GALNT9: variants seen among roughly 807,000 people sequenced by gnomAD.
GALNT9 encodes the protein polypeptide N-acetylgalactosaminyltransferase 9.
GALNT9 carries 47 observed loss-of-function variants against 63.1 expected under a neutral mutation model. The ratio of observed to expected loss-of-function variants is 0.75; its 90% CI spans 0.59 to 0.95. The LOEUF (loss-of-function observed/expected upper bound fraction) is 0.95. Ranked by LOEUF, GALNT9 falls within the 40% of genes least tolerant of loss-of-function variation. The pLI is 0.00. For synonymous variants in GALNT9, 396 were observed against 365.7 expected (o/e 1.08, Z -0.94); for missense variants, 829 against 874.8 (o/e 0.95, Z 0.66).
intron 2 of GALNT9, among the ~76,000 whole-genome samples, chr12:132,267,586 G>A (rs1879649557): frequency 6.6e-6 from 1 of 152,224 alleles, no homozygotes; most frequent in South Asian, 2.1e-4. Context: ...GAACCAAGCG[G>A]GAGGACTCAC....
In GALNT9 at chr12:132,204,121, G is replaced by A. The variant is rs976128324; in HGVS notation, c.1078-431C>T. Among the ~76,000 whole-genome samples, 5 of 150,338 alleles carry A rather than the reference G, an allele frequency of 3.3e-5. No individual in the cohort carries two copies. In the East Asian group the frequency reaches 5.9e-4, roughly 18 times the overall value. ...AACAGCTGCTTGCCATGCAGACACCGCTCCACGCATCCCCAGAACACACAC... is the reference window on the plus strand; with the variant it reads ...AACAGCTGCTTGCCATGCAGACACCACTCCACGCATCCCCAGAACACACAC... On this transcript the variant is annotated intron_variant, in intron 6 of 10. Coordinates refer to ENST00000328957, the MANE Select transcript of GALNT9 (RefSeq NM_001122636.2).
chr12:132,323,793 G>A (rs1475001273), intron 1 of GALNT9, among the ~76,000 whole-genome samples: 1 of 152,226 alleles, frequency 6.6e-6, no homozygotes, highest in Admixed American at 6.5e-5. Context: ...CAATCATGGG[G>A]AAGCTGTGAA....
chr12:132,257,004 G>A (rs1790456603), intron 5 of GALNT9, among the ~76,000 whole-genome samples: 2 of 152,184 alleles, frequency 1.3e-5, no homozygotes, highest in Admixed American at 6.5e-5. Flanking sequence ...GGAACGGGGG[G>A]CTTCAGCAGC....
At position 132,245,596 on chromosome 12, in the gene GALNT9, GC is replaced by G. The variant is rs1412903768; in HGVS notation, c.1077+2313del. On this transcript the variant is annotated intron_variant, in intron 6 of 10. Coordinates refer to ENST00000328957, the MANE Select transcript of GALNT9 (RefSeq NM_001122636.2). This position sits in a 1 kb window ranked among gnomAD's most constrained non-coding sequence, Gnocchi z 6.3. ...CCGTGGTCCGGCACCCACACCCCCA[GC>G]CCAGCCTGCTGACCCTCGCCCAGCC... Among the ~76,000 whole-genome samples the G allele has an allele frequency of 2.0e-5, 3 of 151,882 alleles. No individual in the cohort carries two copies. Among genetic ancestry groups the G allele is most frequent in the Admixed American group, 1.3e-4 (2 of 15,270 alleles).
intron 6 of GALNT9, among the ~76,000 whole-genome samples, chr12:132,217,615 T>G (rs111205319): frequency 5.5e-5 from 7 of 128,192 alleles, no homozygotes; most frequent in South Asian, 2.7e-4. Flanking sequence ...CATCCAGCCA[T>G]CCATCCATCC....
At chr12:132,324,184 A>C (rs1179270042) in intron 1 of GALNT9, among the ~76,000 whole-genome samples, 1 of 152,192 alleles carries the variant, frequency 6.6e-6, no homozygotes, top group African/African-American at 2.4e-5. Context: ...ACGCTTGGAA[A>C]GCCCTTTTTA....
chr12:132,295,838 A>AGCCTCCGAACAGGGAGG (rs1881038722), intron 1 of GALNT9, among the ~76,000 whole-genome samples: 1 of 145,704 alleles, frequency 6.9e-6, no homozygotes, highest in Admixed American at 6.8e-5. Flanking sequence ...GAACAGGGAG[A>AGCCTCCGAACAGGGAGG]GCCTCCGAAC....
At chr12:132,210,815 T>C (rs1458053009) in intron 6 of GALNT9, among the ~76,000 whole-genome samples, 1 of 149,552 alleles carries the variant, frequency 6.7e-6, no homozygotes, top group Non-Finnish European at 1.5e-5. Context: ...GCCATCTGGG[T>C]GGTCGCCGTC....
At chr12:132,218,554 G>A (rs915532362) in intron 6 of GALNT9, among the ~76,000 whole-genome samples, 6 of 152,200 alleles carry the variant, frequency 3.9e-5, no homozygotes, top group African/African-American at 2.4e-5. Context: ...AGCCCAGGTC[G>A]GTTTCGGGAA....
chr12:132,261,148 G>A (rs374733350), intron 3 of GALNT9, 26 bp from the exon 4 acceptor site: 147 of 1,542,714 alleles, frequency 9.5e-5, no homozygotes, highest in African/African-American at 1.4e-4. Flanking sequence ...ACTTTAGCAC[G>A]CTGGCAGGTG....
chr12:132,225,660 A>G (rs1296996755), intron 6 of GALNT9, among the ~76,000 whole-genome samples: 1 of 141,238 alleles, frequency 7.1e-6, no homozygotes, highest in African/African-American at 2.7e-5. Context: ...TACACACCCC[A>G]CACACACACT....
At chr12:132,267,686 A>G (rs1879653603) in intron 2 of GALNT9, among the ~76,000 whole-genome samples, 1 of 150,042 alleles carries the variant, frequency 6.7e-6, no homozygotes, top group East Asian at 1.9e-4. Flanking sequence ...ATGCATTGAA[A>G]TAGATAAAGG....
In GALNT9 at chr12:132,196,504, G is replaced by C. The variant is rs1875516880; in HGVS notation, c.*603C>G. ...CTCGGCTCCCAGGAAGACACACACA[G>C]TGCTGCTGCCTAATCCTCTCTTTAT... On this transcript the variant is annotated 3_prime_UTR_variant, in exon 11 of 11. Transcript: ENST00000328957. 1.0e-6 allele frequency: 1 copy of C among 985,484 alleles called. No individual in the cohort carries two copies. The highest frequency in any genetic ancestry group is 1.2e-6 in the Non-Finnish European group (1 of 830,064). 61.0% of individuals were successfully genotyped at this position (985,484 alleles called of 1,614,324 possible). A position where few individuals can be genotyped will look rare whatever the true frequency, so the allele number is the denominator to read the frequency against.
Position 132,329,283 on chromosome 12 carries a change from G to T in GALNT9, c.-80C>A. 3 of 1,483,504 alleles carry T rather than the reference G, an allele frequency of 2.0e-6. No individual in the cohort carries two copies. Among genetic ancestry groups the T allele is most frequent in the Non-Finnish European group, 1.8e-6 (2 of 1,112,714 alleles). 91.9% of individuals were successfully genotyped at this position (1,483,504 alleles called of 1,614,324 possible). ...GGGCCTGGGCTTCAGCTTCGGCTTCGGGGACCATGAGCCGCCCGGGGCTGC... is the reference window on the plus strand; with the variant it reads ...GGGCCTGGGCTTCAGCTTCGGCTTCTGGGACCATGAGCCGCCCGGGGCTGC... On this transcript the variant is annotated 5_prime_UTR_variant, in exon 1 of 11. Coordinates refer to ENST00000328957, the MANE Select transcript of GALNT9 (RefSeq NM_001122636.2).
At chr12:132,285,484 T>C (rs1555242062) in intron 2 of GALNT9, among the ~76,000 whole-genome samples, 9 of 152,256 alleles carry the variant, frequency 5.9e-5, no homozygotes. Flanking sequence ...CCAAGCTCCA[T>C]CCTGAGTGGC....
chr12:132,230,668 A>G (rs1408548549), intron 6 of GALNT9, among the ~76,000 whole-genome samples: 2 of 152,228 alleles, frequency 1.3e-5, no homozygotes, highest in Admixed American at 6.5e-5. Flanking sequence ...CGCAGCCCTT[A>G]AATCAGAAGG....
chr12:132,199,406 C>A, intron 8 of GALNT9, 137 bp from the exon 9 acceptor site: 1 of 631,204 alleles, frequency 1.6e-6, no homozygotes, highest in Admixed American at 2.7e-5. Flanking sequence ...GATGCTCTGG[C>A]CGGGTGGGCT....
rs1203196906 is a variant in GALNT9 at position 132,226,731 on chromosome 12, CCACA to C, written c.1077+21175_1077+21178del. ...TGTACATACACACCAAATACACATC[CCACA>C]CACATACACCCCATACACCCACCCC... On this transcript the variant is annotated intron_variant, in intron 6 of 10. Coordinates refer to ENST00000328957, the MANE Select transcript of GALNT9 (RefSeq NM_001122636.2). Among the ~76,000 whole-genome samples the C allele has an allele frequency of 2.6e-3, 365 of 141,870 alleles. 1 individual carries two copies. Among genetic ancestry groups the C allele is most frequent in the African/African-American group, 8.6e-3 (325 of 37,774 alleles). The allele number at this position is 141,870 out of a possible 152,430, so 93.1% of individuals were successfully genotyped here.
Position 132,246,887 on chromosome 12 carries a change from G to C in GALNT9, c.1077+1023C>G, listed in dbSNP as rs1878723377. Among the ~76,000 whole-genome samples, 2 of 152,192 alleles carry C rather than the reference G, an allele frequency of 1.3e-5. No homozygotes were observed. The highest frequency in any genetic ancestry group is 4.1e-4 in the South Asian group (2 of 4,830). ...TTAAACAATCGCGGCCACGGGGAAG[G>C]AGGCCGTTTTATTGATTGAATTTGT... On this transcript the variant is annotated intron_variant, in intron 6 of 10. Transcript: ENST00000328957. This position sits in a 1 kb window ranked among gnomAD's most constrained non-coding sequence, Gnocchi z 4.7.
Sources: allele counts gnomAD v4.1 joint callset (sites outside exome capture counted in the v4.1 genomes callset), GRCh38; gene constraint gnomAD v4.1.1; non-coding constraint Gnocchi (gnomAD v3.1); transcripts MANE v1.5; gene names NCBI Gene and HGNC (gene_info 2026-07-23, HGNC 2026-07-21).